ARHGAP24: variants seen among roughly 807,000 people sequenced by gnomAD.
The protein encoded by ARHGAP24 is rho GTPase-activating protein 24.
ARHGAP24 carries 50 observed loss-of-function variants against 76.4 expected under a neutral mutation model. The ratio of observed to expected loss-of-function variants is 0.65; its 90% CI spans 0.52 to 0.83. ARHGAP24 has a LOEUF of 0.83. ARHGAP24 is among the 40% of genes least tolerant of loss of function. The pLI is 0.00. For synonymous variants in ARHGAP24, 345 were observed against 323.3 expected (o/e 1.07, Z -0.72); for missense variants, 930 against 914.2 (o/e 1.02, Z -0.22).
intron 2 of ARHGAP24, among the ~76,000 whole-genome samples, chr4:85,698,272 G>T (rs1433464665): frequency 6.6e-6 from 1 of 152,178 alleles, no homozygotes; most frequent in East Asian, 1.9e-4. Flanking sequence ...CCCATGGAAG[G>T]TTGGCAGGGT....
intron 1 of ARHGAP24, among the ~76,000 whole-genome samples, chr4:85,541,361 G>C (rs980673566): frequency 1.4e-5 from 2 of 140,166 alleles, no homozygotes; most frequent in East Asian, 2.0e-4. Flanking sequence ...CACCATTTTA[G>C]CCGGGATGGT....
chr4:85,592,988 G>A (rs1021238814), intron 2 of ARHGAP24, among the ~76,000 whole-genome samples: 2 of 152,056 alleles, frequency 1.3e-5, no homozygotes, highest in African/African-American at 4.8e-5. Context: ...GGGATTAACG[G>A]ATCATATGGT....
At chr4:85,632,600 C>T (rs1721192568) in intron 2 of ARHGAP24, among the ~76,000 whole-genome samples, 1 of 151,898 alleles carries the variant, frequency 6.6e-6, no homozygotes, top group Non-Finnish European at 1.5e-5. Context: ...CCTTTTATAT[C>T]GTGTATACAC....
At chr4:85,737,497 A>G (rs1451472278) in intron 3 of ARHGAP24, among the ~76,000 whole-genome samples, 1 of 152,198 alleles carries the variant, frequency 6.6e-6, no homozygotes, top group Non-Finnish European at 1.5e-5. Context: ...TCACTGACTT[A>G]ATTACACAGA....
At chr4:85,998,601 CTCTG>C (rs1402934785) in intron 9 of ARHGAP24, among the ~76,000 whole-genome samples, 1 of 151,942 alleles carries the variant, frequency 6.6e-6, no homozygotes, top group African/African-American at 2.4e-5. Flanking sequence ...TTAATCTATC[CTCTG>C]TCTTTGTTAA....
intron 1 of ARHGAP24, among the ~76,000 whole-genome samples, chr4:85,546,914 C>T (rs1390148969): frequency 1.3e-5 from 2 of 152,086 alleles, no homozygotes; most frequent in Non-Finnish European, 1.5e-5. Context: ...ATTAATATGT[C>T]TCTATGTATT....
chr4:85,699,807 A>G (rs759567824), intron 2 of ARHGAP24, among the ~76,000 whole-genome samples: 1 of 152,126 alleles, frequency 6.6e-6, no homozygotes, highest in Non-Finnish European at 1.5e-5. Flanking sequence ...CCCATTAAGT[A>G]TACGATCCAC....
chr4:85,972,106 C>A lies in ARHGAP24; in HGVS notation c.670C>A (p.Pro224Thr). ...YLRELPEPVI[P>T]YAKYEDFLSC... ...CCGAGAACTTCCAGAACCAGTTATT[C>A]CTTATGCGAAGTATGAAGATTTTTT... Residue 224 changes from proline to threonine, a missense_variant, in exon 6 of 10, where the codon CCT becomes ACT. Transcript: ENST00000395184. 1 of 1,613,896 alleles carries A rather than the reference C, an allele frequency of 6.2e-7. No homozygotes were observed. Among genetic ancestry groups the A allele is most frequent in the Non-Finnish European group, 8.5e-7 (1 of 1,179,972 alleles).
intron 3 of ARHGAP24, among the ~76,000 whole-genome samples, chr4:85,921,388 G>T (rs953186620): frequency 3.9e-5 from 6 of 152,020 alleles, no homozygotes; most frequent in South Asian, 2.1e-4. Context: ...CCTATCAAAG[G>T]GTGGAAGGTG....
chr4:85,573,852 T>G (rs1020964527), intron 2 of ARHGAP24, among the ~76,000 whole-genome samples: 1 of 152,218 alleles, frequency 6.6e-6, no homozygotes, highest in Non-Finnish European at 1.5e-5. Context: ...TTCCTCTGCC[T>G]CATCCTTGCC....
intron 2 of ARHGAP24, among the ~76,000 whole-genome samples, chr4:85,597,265 G>T (rs867425902): frequency 5.3e-5 from 8 of 152,128 alleles, no homozygotes; most frequent in Admixed American, 4.6e-4. Context: ...TATTGATTTT[G>T]CTTTCTTCAT....
chr4:85,486,986 T>G (rs1391673711), intron 1 of ARHGAP24, among the ~76,000 whole-genome samples: 1 of 151,492 alleles, frequency 6.6e-6, no homozygotes, highest in African/African-American at 2.4e-5. Context: ...TCAGCAGGAG[T>G]GACTCATCCA....
At chr4:85,942,312 A>G in intron 5 of ARHGAP24, 39 bp downstream of exon 5, 1 of 1,606,010 alleles carries the variant, frequency 6.2e-7, no homozygotes, top group Non-Finnish European at 8.5e-7. Context: ...TCACTGAGAA[A>G]TTCAGACTCA....
At chr4:85,545,163 G>A (rs1237380025) in intron 1 of ARHGAP24, among the ~76,000 whole-genome samples, 3 of 151,764 alleles carry the variant, frequency 2.0e-5, no homozygotes, top group South Asian at 2.1e-4. Flanking sequence ...GCAATGGCGC[G>A]ATCTCTGCTC....
At chr4:85,922,486 A>G (rs1735780697) in intron 3 of ARHGAP24, among the ~76,000 whole-genome samples, 1 of 152,232 alleles carries the variant, frequency 6.6e-6, no homozygotes, top group Non-Finnish European at 1.5e-5. Flanking sequence ...CTCAGATATG[A>G]ATTAATTCAA....
intron 1 of ARHGAP24, among the ~76,000 whole-genome samples, chr4:85,542,882 GA>G (rs1218514366): frequency 2.0e-5 from 3 of 152,162 alleles, no homozygotes; most frequent in African/African-American, 7.2e-5. Flanking sequence ...GACCATCTGT[GA>G]AATAGGGATG....
chr4:85,905,014 A>C (rs1187973388), intron 3 of ARHGAP24, among the ~76,000 whole-genome samples: 1 of 152,224 alleles, frequency 6.6e-6, no homozygotes. Flanking sequence ...TAGGGGACAG[A>C]AGACTTTTCA....
chr4:85,973,388 AT>A (rs1381357747), intron 6 of ARHGAP24, among the ~76,000 whole-genome samples: 1 of 152,150 alleles, frequency 6.6e-6, no homozygotes, highest in East Asian at 1.9e-4. Flanking sequence ...TTGCCTTATT[AT>A]TAATAGTATT....
intron 8 of ARHGAP24, among the ~76,000 whole-genome samples, chr4:85,993,416 G>A (rs1191530992): frequency 1.3e-5 from 2 of 152,108 alleles, no homozygotes; most frequent in African/African-American, 2.4e-5. Context: ...TTGCTGATAT[G>A]CAGTCGAAAA....
Sources: allele counts gnomAD v4.1 joint callset (sites outside exome capture counted in the v4.1 genomes callset), GRCh38; gene constraint gnomAD v4.1.1; transcripts MANE v1.5; gene names NCBI Gene and HGNC (gene_info 2026-07-23, HGNC 2026-07-21).